The following SOX5 variants were observed in gnomAD, a reference collection of about 807,000 sequenced individuals.
SOX5 encodes the protein SRY-box transcription factor 5, also known as transcription factor SOX-5.
SOX5 carries 9 observed loss-of-function variants against 92.0 expected under a neutral mutation model. The observed-to-expected ratio is 0.10, with a 90% CI of 0.06 to 0.17. The LOEUF is 0.17. SOX5 is among the 10% of genes least tolerant of loss of function. The probability of loss-of-function intolerance (pLI) is 1.00; values close to 1 mark genes in which losing one functional copy is unlikely to be tolerated. For synonymous variants in SOX5, 344 were observed against 336.3 expected, an observed-to-expected ratio of 1.02 and a Z score of -0.25; for missense variants, 642 against 944.5, an observed-to-expected ratio of 0.68 and a Z score of 4.20.
intron 3 of SOX5, among the ~76,000 whole-genome samples, chr12:24,221,979 C>T (rs984025941): frequency 6.6e-6 from 1 of 152,114 alleles, no homozygotes; most frequent in African/African-American, 2.4e-5. Flanking sequence ...CAGGGGAAGG[C>T]AAGGGTTGTG....
At chr12:23,865,995 C>T (rs890031383) in intron 2 of SOX5, among the ~76,000 whole-genome samples, 1 of 152,144 alleles carries the variant, frequency 6.6e-6, no homozygotes, top group Non-Finnish European at 1.5e-5. Context: ...TTGCTACAAT[C>T]TCATGATAAA....
At chr12:23,734,582 A>C in intron 6 of SOX5, 102 bp downstream of exon 6, 1 of 857,450 alleles carries the variant, frequency 1.2e-6, no homozygotes, top group Non-Finnish European at 1.8e-6. Context: ...TTAGCTTGAA[A>C]GTCATTTTTA....
intron 4 of SOX5, among the ~76,000 whole-genome samples, chr12:24,015,015 C>T (rs1205681445): frequency 3.9e-5 from 6 of 152,242 alleles, no homozygotes; most frequent in Admixed American, 2.6e-4. Flanking sequence ...GAATCAAGCA[C>T]ATAAGCCTGG....
chr12:23,849,694 T>A (rs151040588), intron 2 of SOX5, among the ~76,000 whole-genome samples: 1 of 152,344 alleles, frequency 6.6e-6, no homozygotes, highest in Admixed American at 6.5e-5. Flanking sequence ...ATGAGATATA[T>A]GCATTTAAAT....
At chr12:23,903,840 A>C (rs2097263054) in intron 1 of SOX5, among the ~76,000 whole-genome samples, 1 of 152,218 alleles carries the variant, frequency 6.6e-6, no homozygotes, top group African/African-American at 2.4e-5. Flanking sequence ...CTGTGTATTA[A>C]AGATTGTTTC....
chr12:24,209,378 A>G (rs1565661036), intron 4 of SOX5, among the ~76,000 whole-genome samples: 1 of 152,230 alleles, frequency 6.6e-6, no homozygotes. Context: ...TATCAGTTGA[A>G]TGATAAAAAT....
intron 1 of SOX5, among the ~76,000 whole-genome samples, chr12:24,442,445 A>C (rs1455580322): frequency 6.6e-6 from 1 of 152,252 alleles, no homozygotes; most frequent in Non-Finnish European, 1.5e-5. Context: ...TATATTGTAT[A>C]TTAGAAGGTG....
intron 4 of SOX5, among the ~76,000 whole-genome samples, chr12:24,083,852 G>A (rs1449580733): frequency 6.6e-6 from 1 of 152,022 alleles, no homozygotes; most frequent in Admixed American, 6.6e-5. Context: ...TGGAATTAGG[G>A]CAAAATAGGT....
chr12:23,999,141 T>TGTGTGC (rs1491101476), intron 4 of SOX5, among the ~76,000 whole-genome samples: 2 of 3,494 alleles, frequency 5.7e-4, no homozygotes, highest in African/African-American at 9.0e-4. Context: ...AAAAAGACTC[T>TGTGTGC]GTGTGTGTGT....
chr12:23,848,437 T>A (rs1031245183), intron 2 of SOX5, among the ~76,000 whole-genome samples: 2 of 152,194 alleles, frequency 1.3e-5, no homozygotes, highest in African/African-American at 2.4e-5. Context: ...TTATTGCTAT[T>A]TCACACAGGA....
At chr12:24,342,432 T>C (rs1049201592) in intron 2 of SOX5, among the ~76,000 whole-genome samples, 3 of 152,218 alleles carry the variant, frequency 2.0e-5, no homozygotes, top group Admixed American at 1.3e-4. Flanking sequence ...AATACAAATA[T>C]ATTCTATCAC....
At chr12:23,553,961 A>G (rs542150009) in intron 11 of SOX5, among the ~76,000 whole-genome samples, 182 of 152,268 alleles carry the variant, frequency 1.2e-3, no homozygotes, top group Middle Eastern at 0.01. Context: ...AGTTAAATAA[A>G]TATAATCTGA....
chr12:23,720,756 C>T (rs760450329), intron 6 of SOX5, among the ~76,000 whole-genome samples: 1 of 152,160 alleles, frequency 6.6e-6, no homozygotes, highest in Non-Finnish European at 1.5e-5. Context: ...GTGTCATTTA[C>T]AATTTTTATA....
At chr12:24,281,951 T>C (rs1945256677) in intron 2 of SOX5, among the ~76,000 whole-genome samples, 1 of 135,186 alleles carries the variant, frequency 7.4e-6, no homozygotes, top group Non-Finnish European at 1.6e-5. Context: ...GAAAACTGTG[T>C]TCCTCGATGC....
intron 3 of SOX5, among the ~76,000 whole-genome samples, chr12:23,781,681 T>TCC (rs1326684711): frequency 1.3e-5 from 2 of 151,954 alleles, no homozygotes; most frequent in Admixed American, 6.6e-5. Flanking sequence ...TCTCTCTCTC[T>TCC]CCCCCGCTTT....
At chr12:24,200,337 T>C (rs1234694161) in intron 4 of SOX5, among the ~76,000 whole-genome samples, 2 of 152,182 alleles carry the variant, frequency 1.3e-5, no homozygotes, top group Admixed American at 1.3e-4. Flanking sequence ...TCTCAATCAT[T>C]GGTGATTAGA....
intron 4 of SOX5, among the ~76,000 whole-genome samples, chr12:24,077,841 C>CA (rs1942843581): frequency 7.1e-6 from 1 of 141,122 alleles, no homozygotes; most frequent in Admixed American, 7.3e-5. Context: ...GTTTTGGCTT[C>CA]AAAATGGCAA....
At chr12:24,159,696 C>T (rs775423009) in intron 4 of SOX5, among the ~76,000 whole-genome samples, 41 of 151,980 alleles carry the variant, frequency 2.7e-4, no homozygotes, top group African/African-American at 4.8e-5. Flanking sequence ...TTTTAAGGAA[C>T]ACGTTCCAGA....
intron 2 of SOX5, among the ~76,000 whole-genome samples, chr12:23,881,221 C>T (rs965446744): frequency 2.0e-5 from 3 of 152,122 alleles, no homozygotes; most frequent in Admixed American, 2.0e-4. Flanking sequence ...GCCTGCTATC[C>T]GGGGACATGC....
Sources: allele counts gnomAD v4.1 joint callset (sites outside exome capture counted in the v4.1 genomes callset), GRCh38; gene constraint gnomAD v4.1.1; transcripts MANE v1.5; gene names NCBI Gene and HGNC (gene_info 2026-07-23, HGNC 2026-07-21).